DPRX: variants seen among roughly 807,000 people sequenced by gnomAD.
The protein encoded by DPRX is divergent-paired related homeobox, also known as divergent paired-related homeobox.
A neutral mutation model predicts 8.4 loss-of-function variants in DPRX; 11 were observed. The ratio of observed to expected loss-of-function variants is 1.31; its 90% CI spans 0.82 to 2.17. DPRX has a LOEUF of 2.17. Among genes scored for constraint, DPRX ranks in the 30% most tolerant of loss-of-function variants. DPRX has a pLI of 0.00. For missense variants in DPRX, 211 were observed against 236.7 expected, an observed-to-expected ratio of 0.89 and a Z score of 0.71; for synonymous variants, 72 against 87.0, an observed-to-expected ratio of 0.83 and a Z score of 0.96.
the DPRX span, chr19:53,617,120 C>T: frequency 8.3e-5 from 104 of 1,249,870 alleles, no homozygotes; most frequent in Admixed American, 6.7e-4. Flanking sequence ...AATCCTGGAC[C>T]GATCGAATGC....
chr19:53,616,764 G>C, the DPRX span: 2 of 1,503,750 alleles, frequency 1.3e-6, no homozygotes, highest in Non-Finnish European at 1.8e-6. Context: ...CAAAAAATAA[G>C]AAAAAATAGA....
chr19:53,612,010 G>A, the DPRX span, among the ~76,000 whole-genome samples: 1 of 152,082 alleles, frequency 6.6e-6, no homozygotes, highest in Non-Finnish European at 1.5e-5. Context: ...CTTGAATCCG[G>A]GAGGTGGAGG....
chr19:53,605,134 A>G, the DPRX span, among the ~76,000 whole-genome samples: 1 of 150,874 alleles, frequency 6.6e-6, no homozygotes, highest in Non-Finnish European at 1.5e-5. Context: ...GGCAACACAG[A>G]CCCCCGCCTC....
At chr19:53,630,919 T>C (rs547097461), upstream of DPRX, among the ~76,000 whole-genome samples, 154 of 151,766 alleles carry the variant, frequency 1.0e-3, no homozygotes, top group African/African-American at 3.6e-3. Context: ...CGATCTCAGC[T>C]CACTGCAACC....
chr19:53,603,783 AC>A, the DPRX span, among the ~76,000 whole-genome samples: 12 of 135,742 alleles, frequency 8.8e-5, no homozygotes, highest in Admixed American at 3.3e-4. Flanking sequence ...TCACTCTGTC[AC>A]CCAGGCTGGA....
chr19:53,617,576 G>GAAAAAA, the DPRX span, among the ~76,000 whole-genome samples: 1 of 107,580 alleles, frequency 9.3e-6, no homozygotes, highest in Admixed American at 9.4e-5. Flanking sequence ...AAAAAAAAAA[G>GAAAAAA]AAAAAAAAAA....
the DPRX span, chr19:53,616,681 T>C: frequency 1.3e-6 from 1 of 790,130 alleles, no homozygotes; most frequent in Non-Finnish European, 1.9e-6. Context: ...TTGAACCTCA[T>C]AGGCAGAGGT....
At chr19:53,603,303 C>T in the DPRX span, 22 of 454,810 alleles carry the variant, frequency 4.8e-5, no homozygotes, top group African/African-American at 2.2e-4. Context: ...GGCCCCCTGC[C>T]GCATGCTATC....
chr19:53,606,920 T>A, the DPRX span: 1 of 152,654 alleles, frequency 6.6e-6, no homozygotes, highest in Non-Finnish European at 1.5e-5. This position sits in a 1 kb window ranked among gnomAD's most constrained non-coding sequence, Gnocchi z 4.8. Context: ...AAACCCCCGA[T>A]GAGACAGAAT....
chr19:53,603,572 G>A, the DPRX span: 1 of 361,980 alleles, frequency 2.8e-6, no homozygotes, highest in Admixed American at 3.4e-5. Flanking sequence ...AGTAGGGCAA[G>A]ATTAACCCAG....
chr19:53,617,625 G>A, the DPRX span, among the ~76,000 whole-genome samples: 1 of 149,878 alleles, frequency 6.7e-6, no homozygotes, highest in South Asian at 2.1e-4. Flanking sequence ...TGTCAATGAA[G>A]TTTTAAAGGC....
At chr19:53,614,345 T>C in the DPRX span, among the ~76,000 whole-genome samples, 1 of 152,240 alleles carries the variant, frequency 6.6e-6, no homozygotes, top group Middle Eastern at 3.4e-3. Context: ...GCCTGGGAGT[T>C]TGAGGCAGCA....
the DPRX span, among the ~76,000 whole-genome samples, chr19:53,623,546 G>A: frequency 6.6e-6 from 1 of 152,072 alleles, no homozygotes; most frequent in Non-Finnish European, 1.5e-5. Flanking sequence ...GCTGAGGAAG[G>A]AGAATCGCTT....
rs138900772 is a variant in DPRX at position 53,636,786 on chromosome 19, G to A, written c.374G>A (p.Arg125Gln). ...ATCGGCCTGGTGTACACGGGTCATC[G>A]AGTCCCCTCATTCCAGCTCATCCTG... is the stretch of plus-strand genomic sequence containing the variant. Residue 125 changes from arginine (R) to glutamine (Q), a missense_variant, in exon 3 of 3, where the codon CGA becomes CAA. Transcript: ENST00000376650. The A allele has an allele frequency of 1.0e-3, 1,612 of 1,614,036 alleles. 4 individuals are homozygous for A. Among genetic ancestry groups the A allele is most frequent in the Non-Finnish European group, 1.2e-3 (1,367 of 1,180,020 alleles).
chr19:53,617,749 A>G, the DPRX span, among the ~76,000 whole-genome samples: 1 of 152,134 alleles, frequency 6.6e-6, no homozygotes, highest in African/African-American at 2.4e-5. Flanking sequence ...CTTCTTTATT[A>G]AAGAGACAAA....
At chr19:53,632,541 C>T (rs2091097254) in intron 1 of DPRX, among the ~76,000 whole-genome samples, 2 of 151,850 alleles carry the variant, frequency 1.3e-5, no homozygotes, top group Non-Finnish European at 2.9e-5. Flanking sequence ...GAACTCCTGA[C>T]CTTGTGATCC....
the DPRX span, among the ~76,000 whole-genome samples, chr19:53,614,487 C>T: frequency 6.6e-6 from 1 of 152,002 alleles, no homozygotes. Flanking sequence ...TTACTTGAGA[C>T]CAGGAGTTCA....
At chr19:53,612,442 C>T in the DPRX span, among the ~76,000 whole-genome samples, 1 of 151,990 alleles carries the variant, frequency 6.6e-6, no homozygotes. Context: ...TGCAGTGGCT[C>T]ACGCCTGTAA....
the DPRX span, among the ~76,000 whole-genome samples, chr19:53,607,894 C>A: frequency 6.9e-6 from 1 of 144,740 alleles, no homozygotes; most frequent in Non-Finnish European, 1.5e-5. Context: ...AAAAACAGGC[C>A]AGGCACAGTG....
Sources: gnomAD v4.1 joint callset for allele counts (sites outside exome capture counted in the v4.1 genomes callset) on GRCh38, gnomAD v4.1.1 for gene constraint, Gnocchi (gnomAD v3.1) non-coding constraint, MANE v1.5 for transcripts, NCBI Gene and HGNC (gene_info 2026-07-23, HGNC 2026-07-21) for gene names.